Variants in KIF1C observed in about 807,000 individuals in gnomAD.
The protein encoded by KIF1C is kinesin family member 1C, also known as kinesin-like protein KIF1C.
A neutral mutation model predicts 126.5 loss-of-function variants in KIF1C; 61 were observed. That is an observed-to-expected ratio of 0.48 (90% confidence interval 0.39 to 0.60). The LOEUF is 0.60. KIF1C is among the 20% of genes least tolerant of loss of function. The pLI is 0.00. For synonymous variants in KIF1C, 640 were observed against 580.6 expected, an observed-to-expected ratio of 1.10 and a Z score of -1.47; for missense variants, 1,315 against 1,489.2, an observed-to-expected ratio of 0.88 and a Z score of 1.93.
rs775399890 is a variant in KIF1C, at chr17:5,022,737, C to G, written c.2628+28C>G. 13 of 1,494,784 alleles carry G rather than the reference C, an allele frequency of 8.7e-6. No individual in the cohort carries two copies. The East Asian group carries it at 1.2e-4, about 13-fold the overall frequency. 92.6% of individuals were successfully genotyped at this position (1,494,784 alleles called of 1,614,324 possible). ...AGGACTGGCCTTCTGCCTCCCTTCT[C>G]TCCTCCCTCGGCTCTTCACTTTAGG... is the stretch of plus-strand genomic sequence containing the variant. On this transcript the variant is annotated intron_variant, in intron 22 of 22. Coordinates refer to ENST00000320785, the MANE Select transcript of KIF1C (RefSeq NM_006612.6). The surrounding 1 kb of genome is among the most constrained non-coding windows in gnomAD (Gnocchi z 4.9).
rs1300457054 is a variant in KIF1C, at chr17:5,024,401, AG to A, written c.*255del. 8.7e-6 allele frequency: 2 copies of A among 230,670 alleles called. No homozygotes were observed. Among genetic ancestry groups the A allele is most frequent in the South Asian group, 1.0e-4 (1 of 9,866 alleles). 14.3% of individuals were successfully genotyped at this position (230,670 alleles called of 1,614,324 possible). Reference sequence around the variant, plus strand: ...GCTGCCTCGGGGCCACCCCTTGCAAAGGGGGTGTGTCCCACAAACGCTGCTA... The same window carrying A: ...GCTGCCTCGGGGCCACCCCTTGCAAAGGGGTGTGTCCCACAAACGCTGCTA... On this transcript the variant is annotated 3_prime_UTR_variant, in exon 23 of 23. Transcript: ENST00000320785.
chr17:5,002,661 G>T lies in KIF1C; in HGVS notation c.608+19G>T. The T allele has an allele frequency of 1.9e-6, 3 of 1,611,782 alleles. No individual in the cohort carries two copies. Among genetic ancestry groups the T allele is most frequent in the Non-Finnish European group, 2.5e-6 (3 of 1,178,038 alleles). On this transcript the variant is annotated intron_variant, in intron 7 of 22. Coordinates refer to ENST00000320785, the MANE Select transcript of KIF1C (RefSeq NM_006612.6). ...AAGCACGGTGAGGCAGGCTGATGGA[G>T]CAGAGGGCAAGGGGGCCAGGGTTGG...
intron 16 of KIF1C, among the ~76,000 whole-genome samples, chr17:5,007,926 A>G (rs1974772879): frequency 6.6e-6 from 1 of 152,250 alleles, no homozygotes; most frequent in African/African-American, 2.4e-5. Flanking sequence ...CATGAGCACT[A>G]CATTGTAAGA....
At position 5,020,843 on chromosome 17, in the gene KIF1C, GA is replaced by G; in HGVS notation, c.1977del (p.Glu660LysfsTer88). The G allele has an allele frequency of 6.3e-7, 1 of 1,589,522 alleles. No homozygotes were observed. Among genetic ancestry groups the G allele is most frequent in the Non-Finnish European group, 8.6e-7 (1 of 1,167,656 alleles). ...DLENQYRKEKEEADLLLEQQR... is the reference protein window; with the variant it reads ...DLENQYRKEKXEADLLLEQQR... The stretch of plus-strand genomic sequence containing the variant: ...GGAGAATCAGTACCGGAAAGAAAAG[GA>G]AGAAGCCGATCTTCTGCTGGAGCAG... On this transcript the variant is annotated frameshift_variant, in exon 21 of 23. Transcript: ENST00000320785. LOFTEE classifies it high-confidence loss of function. The surrounding 1 kb of genome is among the most constrained non-coding windows in gnomAD (Gnocchi z 5.8).
intron 18 of KIF1C, among the ~76,000 whole-genome samples, chr17:5,017,494 C>T (rs183579349): frequency 1.0e-3 from 158 of 151,864 alleles, no homozygotes; most frequent in Admixed American, 3.1e-3. Flanking sequence ...TTAGTAGAGA[C>T]GGGGTTTCGC....
At chr17:5,007,109 C>T (rs1292749324) in intron 14 of KIF1C, 25 bp downstream of exon 14, 16 of 1,581,630 alleles carry the variant, frequency 1.0e-5, no homozygotes, top group South Asian at 3.5e-5. Context: ...CTGGCAAGGG[C>T]TGGGGGTCTG....
intron 21 of KIF1C, among the ~76,000 whole-genome samples, chr17:5,021,394 T>C (rs1267298155): frequency 6.6e-6 from 1 of 152,078 alleles, no homozygotes; most frequent in Non-Finnish European, 1.5e-5. Flanking sequence ...CAGGCTGGTC[T>C]CGAACTCCTG....
chr17:5,019,865 C>G (rs1975050946), intron 18 of KIF1C, 131 bp from the exon 19 acceptor site: 1 of 694,262 alleles, frequency 1.4e-6, no homozygotes, highest in South Asian at 1.7e-5. Flanking sequence ...CATGGCACCC[C>G]CTACAGGTAC....
At chr17:5,012,371 G>A (rs1233692966) in intron 16 of KIF1C, among the ~76,000 whole-genome samples, 1 of 151,860 alleles carries the variant, frequency 6.6e-6, no homozygotes, top group Non-Finnish European at 1.5e-5. Flanking sequence ...GCAGGTGGGG[G>A]CGGGGCGGGA....
chr17:5,002,187 A>G (rs1974611801), intron 6 of KIF1C, 63 bp downstream of exon 6: 1 of 1,438,826 alleles, frequency 7.0e-7, no homozygotes, highest in African/African-American at 1.4e-5. Flanking sequence ...TGTCGCTGGA[A>G]TCAGACAGCC....
chr17:5,005,843 C>T (rs1267621021), intron 13 of KIF1C, among the ~76,000 whole-genome samples: 8 of 151,326 alleles, frequency 5.3e-5, no homozygotes, highest in African/African-American at 9.7e-5. Context: ...TCTCCTGCCT[C>T]AGCCTCCCGA....
Position 5,007,000 on chromosome 17 carries a change from C to G in KIF1C, c.1251C>G (p.Thr417=). 6.2e-7 allele frequency: 1 copy of G among 1,612,186 alleles called. No homozygotes were observed. The highest frequency in any genetic ancestry group is 1.3e-5 in the African/African-American group (1 of 74,766). ...CTCCAGTTTCACCCTCATCACCCAC[C>G]ACACATAATGGGGAGCTGGAGCCGT... ...PPAPVSPSSP[T]THNGELEPSF... The change falls in exon 14 of 23, where the codon ACC becomes ACG. Residue 417 remains threonine (T), a synonymous_variant. Coordinates refer to ENST00000320785, the MANE Select transcript of KIF1C (RefSeq NM_006612.6).
chr17:5,008,460 G>GTCCA (rs1567723345), intron 16 of KIF1C, among the ~76,000 whole-genome samples: 1 of 152,114 alleles, frequency 6.6e-6, no homozygotes, highest in African/African-American at 2.4e-5. Flanking sequence ...GGACCATGGT[G>GTCCA]TGAAGCAGCA....
intron 5 of KIF1C, 69 bp downstream of exon 5, chr17:5,001,470 C>A: frequency 6.8e-7 from 1 of 1,463,010 alleles, no homozygotes; most frequent in Non-Finnish European, 9.4e-7. Flanking sequence ...GAAGGAAGGA[C>A]TAGGGTCGGA....
rs1392900029 is a variant in KIF1C at position 5,000,309 on chromosome 17, C to T, written c.63C>T (p.Ser21=). ...RVRPFNARET[S]QDAKCVVSMQ... ...GGCCCTTTAACGCCCGTGAGACCAGCCAGGATGCCAAGTGTGTGGTCAGCA... is the reference window on the plus strand; with the variant it reads ...GGCCCTTTAACGCCCGTGAGACCAGTCAGGATGCCAAGTGTGTGGTCAGCA... The change falls in exon 3 of 23, where the codon AGC becomes AGT. Residue 21 remains serine, a synonymous_variant. Coordinates refer to ENST00000320785, the MANE Select transcript of KIF1C (RefSeq NM_006612.6). 2 of 1,594,094 alleles carry T rather than the reference C, an allele frequency of 1.3e-6. No homozygotes were observed. The highest frequency in any genetic ancestry group is 1.3e-5 in the African/African-American group (1 of 74,302).
chr17:5,001,433 C>A lies in KIF1C; in HGVS notation c.363+32C>A, dbSNP rs375057519. ...CTAGGACCTGGTGGGGCAGCCAGGGCAGGAGCATCTTTAGCTGCCCTCTGA... is the reference window on the plus strand; with the variant it reads ...CTAGGACCTGGTGGGGCAGCCAGGGAAGGAGCATCTTTAGCTGCCCTCTGA... On this transcript the variant is annotated intron_variant, in intron 5 of 22. Coordinates refer to ENST00000320785, the MANE Select transcript of KIF1C (RefSeq NM_006612.6). The A allele has an allele frequency of 5.4e-5, 87 of 1,603,618 alleles. No individual in the cohort carries two copies. The African/African-American group carries it at 1.1e-3, about 21-fold the overall frequency.
chr17:5,018,183 G>A (rs1975017518), intron 18 of KIF1C, among the ~76,000 whole-genome samples: 1 of 151,886 alleles, frequency 6.6e-6, no homozygotes, highest in Non-Finnish European at 1.5e-5. Flanking sequence ...GTTTTACTGT[G>A]TTGCCCAGGC....
In KIF1C at chr17:5,013,703, G is replaced by C; in HGVS notation, c.1542G>C (p.Leu514=). 1 of 1,613,864 alleles carries C rather than the reference G, an allele frequency of 6.2e-7. No individual in the cohort carries two copies. The highest frequency in any genetic ancestry group is 1.3e-5 in the African/African-American group (1 of 75,034). ...AAGACCCTCTGATGTCTGAGTGTCT[G>C]CTCTACCACATCAAAGATGGCGTCA... ...LNEDPLMSEC[L]LYHIKDGVTR... is the part of the protein sequence containing the mutation. The change falls in exon 17 of 23, where the codon CTG becomes CTC. Residue 514 remains leucine (L), a synonymous_variant. Coordinates refer to ENST00000320785, the MANE Select transcript of KIF1C (RefSeq NM_006612.6).
chr17:4,998,453 C>A (rs1974451073), intron 1 of KIF1C, among the ~76,000 whole-genome samples: 1 of 152,194 alleles, frequency 6.6e-6, no homozygotes, highest in South Asian at 2.1e-4. Context: ...CCACCCCAGC[C>A]GCCCAGTATC....
Sources: allele counts gnomAD v4.1 joint callset (sites outside exome capture counted in the v4.1 genomes callset), GRCh38; gene constraint gnomAD v4.1.1; non-coding constraint Gnocchi (gnomAD v3.1); transcripts MANE v1.5; gene names NCBI Gene and HGNC (gene_info 2026-07-23, HGNC 2026-07-21).